MYO3A: variants seen among roughly 807,000 people sequenced by gnomAD.
The protein encoded by MYO3A is myosin-IIIa.
A neutral mutation model predicts 192.7 loss-of-function variants in MYO3A; 180 were observed. That is an observed-to-expected ratio of 0.93 (90% CI 0.83 to 1.06). The LOEUF (loss-of-function observed/expected upper bound fraction) is 1.06. Ranked by LOEUF, MYO3A falls within the 50% of genes least tolerant of loss-of-function variation. MYO3A has a pLI of 0.00. For missense variants in MYO3A, 1,896 were observed against 1,905.0 expected, an observed-to-expected ratio of 1.00 and a Z score of 0.09; for synonymous variants, 628 against 645.3, an observed-to-expected ratio of 0.97 and a Z score of 0.41.
chr10:26,060,356 T>A (rs1020491067), intron 10 of MYO3A, among the ~76,000 whole-genome samples: 17 of 152,084 alleles, frequency 1.1e-4, no homozygotes, highest in African/African-American at 4.1e-4. Context: ...TAATCCCAGT[T>A]ACTCGGGATG....
At position 26,185,926 on chromosome 10, in the gene MYO3A, A is replaced by C. The variant is rs753922382; in HGVS notation, c.4439-7279A>C. On this transcript the variant is annotated intron_variant, in intron 31 of 34. Transcript: ENST00000642920. The stretch of plus-strand genomic sequence containing the variant: ...TCAATACCTTTGCAGGAATCCCTGC[A>C]TATCAACTAGTATAGCTGTAATTTA... Among the ~76,000 whole-genome samples, 6 of 152,354 alleles carry C rather than the reference A, an allele frequency of 3.9e-5. No homozygotes were observed. In the South Asian group the frequency reaches 1.0e-3, roughly 26 times the overall value.
chr10:25,966,997 G>A (rs1308008586), intron 4 of MYO3A, among the ~76,000 whole-genome samples: 1 of 152,168 alleles, frequency 6.6e-6, no homozygotes, highest in Non-Finnish European at 1.5e-5. Context: ...ATTCATAGAG[G>A]CAGTTTCCAG....
chr10:26,203,101 A>G lies in MYO3A; in HGVS notation c.4724A>G (p.Asn1575Ser). The change falls in exon 34 of 35, where the codon AAT becomes AGT. Residue 1575 changes from asparagine (N) to serine (S), a missense_variant. Asn to Ser is a conservative substitution (Grantham distance 46). Coordinates refer to ENST00000642920, the MANE Select transcript of MYO3A (RefSeq NM_017433.5). ...QELQNQCIKA[N>S]ERCWAAESPE... ...CTCCAGAATCAATGTATTAAGGCTA[A>G]TGAAAGGTAAAAAGCTAAACTTTAA... is the stretch of plus-strand genomic sequence containing the variant. The G allele has an allele frequency of 6.2e-7, 1 of 1,613,608 alleles. No homozygotes were observed. The highest frequency in any genetic ancestry group is 8.5e-7 in the Non-Finnish European group (1 of 1,179,684).
At chr10:25,934,443 G>A (rs1017781281) in intron 1 of MYO3A, 115 bp downstream of exon 1, 2 of 152,148 alleles carry the variant, frequency 1.3e-5, no homozygotes, top group Non-Finnish European at 2.9e-5. Flanking sequence ...GGGCGGGCCC[G>A]GGGCTCTCTG....
intron 4 of MYO3A, among the ~76,000 whole-genome samples, chr10:25,990,023 AT>A (rs1402773587): frequency 6.6e-6 from 1 of 152,136 alleles, no homozygotes; most frequent in South Asian, 2.1e-4. Flanking sequence ...TTATCCAGTT[AT>A]CTTCCATTTT....
intron 9 of MYO3A, among the ~76,000 whole-genome samples, 177 bp from the exon 10 acceptor site, chr10:26,026,200 A>T (rs1256582467): frequency 2.0e-5 from 3 of 152,244 alleles, no homozygotes; most frequent in Non-Finnish European, 2.9e-5. Context: ...TTGTTTCATC[A>T]TATTGCAGTT....
At chr10:26,023,666 C>G (rs1457246756) in intron 8 of MYO3A, among the ~76,000 whole-genome samples, 3 of 152,164 alleles carry the variant, frequency 2.0e-5, no homozygotes, top group African/African-American at 7.2e-5. Flanking sequence ...TCCTCAGAGA[C>G]TTCATTGGGA....
At chr10:26,210,957 T>A (rs763518542) in intron 34 of MYO3A, among the ~76,000 whole-genome samples, 4 of 149,940 alleles carry the variant, frequency 2.7e-5, no homozygotes, top group Non-Finnish European at 5.9e-5. Flanking sequence ...CCAACCACCC[T>A]GTATCAAATT....
chr10:25,961,016 G>A (rs577444488), intron 4 of MYO3A, among the ~76,000 whole-genome samples: 1 of 152,124 alleles, frequency 6.6e-6, no homozygotes, highest in Non-Finnish European at 1.5e-5. Context: ...TTACATTAAT[G>A]GATAATTTTA....
chr10:25,955,731 T>A (rs75092890), intron 4 of MYO3A, among the ~76,000 whole-genome samples: 11,833 of 152,294 alleles, frequency 0.078, 611 homozygotes, highest in Non-Finnish European at 0.11. Flanking sequence ...TAGAATTTTT[T>A]AAATTGCTTT....
chr10:26,005,082 A>G (rs1366478434), intron 6 of MYO3A, among the ~76,000 whole-genome samples: 2 of 152,204 alleles, frequency 1.3e-5, no homozygotes, highest in Non-Finnish European at 2.9e-5. Context: ...ATTACAAAAG[A>G]AAGAGGGAAA....
chr10:26,084,101 C>A (rs2131482256), intron 14 of MYO3A, among the ~76,000 whole-genome samples: 1 of 152,172 alleles, frequency 6.6e-6, no homozygotes, highest in African/African-American at 2.4e-5. Context: ...TTTTTGTAAT[C>A]TCATAGGAAA....
chr10:26,059,892 C>T (rs71492522), intron 10 of MYO3A, among the ~76,000 whole-genome samples: 71,328 of 151,436 alleles, frequency 0.47, 17,562 homozygotes, highest in Middle Eastern at 0.57. Flanking sequence ...GAGGCTGAGG[C>T]GGACGGATCA....
At chr10:26,160,430 G>A (rs2131957512) in intron 26 of MYO3A, among the ~76,000 whole-genome samples, 1 of 152,298 alleles carries the variant, frequency 6.6e-6, no homozygotes, top group Admixed American at 6.5e-5. Flanking sequence ...ATCATTTGAT[G>A]CCAGGAGTTT....
In MYO3A at chr10:25,939,335, A is replaced by T. The variant is rs375025462; in HGVS notation, c.-18+3505A>T. Among the ~76,000 whole-genome samples the T allele has an allele frequency of 8.6e-5, 13 of 151,834 alleles. No individual in the cohort carries two copies. The East Asian group carries it at 2.3e-3, about 27-fold the overall frequency. On this transcript the variant is annotated intron_variant, in intron 2 of 34. Coordinates refer to ENST00000642920, the MANE Select transcript of MYO3A (RefSeq NM_017433.5). ...AACTATTACATTTATGAATCCCCTAATCTTTTTTTCCTGTAATGTTTTTCT... is the reference window on the plus strand; with the variant it reads ...AACTATTACATTTATGAATCCCCTATTCTTTTTTTCCTGTAATGTTTTTCT...
intron 19 of MYO3A, 103 bp downstream of exon 19, chr10:26,125,711 A>G (rs531189022): frequency 3.1e-6 from 3 of 969,444 alleles, no homozygotes; most frequent in Admixed American, 2.1e-5. Flanking sequence ...TGTTTCTATA[A>G]TTGATGTAAT....
chr10:25,971,595 T>C (rs1339486958), intron 4 of MYO3A, among the ~76,000 whole-genome samples: 1 of 152,174 alleles, frequency 6.6e-6, no homozygotes. Context: ...CCCTTTATTT[T>C]TGAGAGAGTT....
intron 7 of MYO3A, among the ~76,000 whole-genome samples, chr10:26,019,483 A>C (rs562586747): frequency 7.9e-5 from 12 of 152,078 alleles, no homozygotes; most frequent in African/African-American, 2.9e-4. Flanking sequence ...CGCCTGGCTA[A>C]TTTTTTATAT....
intron 4 of MYO3A, among the ~76,000 whole-genome samples, chr10:25,984,589 C>A (rs77106486): frequency 0.043 from 6,580 of 152,216 alleles, 182 homozygotes; most frequent in Middle Eastern, 0.068. Context: ...GGAAGCTGTT[C>A]TCTTCTTCTT....
Sources: gnomAD v4.1 joint callset for allele counts (sites outside exome capture counted in the v4.1 genomes callset) on GRCh38, gnomAD v4.1.1 for gene constraint, MANE v1.5 for transcripts, NCBI Gene and HGNC (gene_info 2026-07-23, HGNC 2026-07-21) for gene names.